FKBP11: variants seen among roughly 807,000 people sequenced by gnomAD.
FKBP11 encodes the protein FKBP prolyl isomerase 11, also known as peptidyl-prolyl cis-trans isomerase FKBP11.
Under a neutral mutation model 24.7 loss-of-function variants are expected in FKBP11, and 21 were observed. That is an observed-to-expected ratio of 0.85 (90% confidence interval 0.60 to 1.23). The LOEUF (loss-of-function observed/expected upper bound fraction) is 1.23. Ranked by LOEUF, FKBP11 falls within the 50% of genes most tolerant of loss-of-function variation. FKBP11 has a pLI of 0.00. For synonymous variants in FKBP11, 106 were observed against 100.6 expected, an observed-to-expected ratio of 1.05 and a Z score of -0.32; for missense variants, 245 against 248.7, an observed-to-expected ratio of 0.99 and a Z score of 0.10.
chr12:48,936,307 TC>T, the FKBP11 span: 1 of 152,496 alleles, frequency 6.6e-6, no homozygotes, highest in African/African-American at 2.4e-5. Context: ...ACATATACAG[TC>T]TACATTCCAG....
At chr12:48,931,314 G>A (rs1306493803), upstream of FKBP11, 7 of 1,000,654 alleles carry the variant, frequency 7.0e-6, no homozygotes, top group East Asian at 1.6e-4. Flanking sequence ...CAGGTCTGAG[G>A]CTCTGTTCAG....
chr12:48,925,522 G>C (rs1939946635), upstream of FKBP11: 6 of 1,433,506 alleles, frequency 4.2e-6, no homozygotes, highest in Admixed American at 4.4e-5. Flanking sequence ...GGCCAGACTG[G>C]ACGGGACGGG....
the FKBP11 span, among the ~76,000 whole-genome samples, chr12:48,935,510 CCTGGAGCCAGA>C: frequency 6.6e-6 from 1 of 152,106 alleles, no homozygotes; most frequent in Admixed American, 6.6e-5. Flanking sequence ...CCTTTCTTTG[CCTGGAGCCAGA>C]CACTGGTAGC....
At chr12:48,924,329 C>T (rs1164874215) in intron 3 of FKBP11, 73 bp from the exon 4 acceptor site, 5 of 1,574,540 alleles carry the variant, frequency 3.2e-6, no homozygotes, top group Non-Finnish European at 4.4e-6. Flanking sequence ...AGATCAAAGT[C>T]TTCCTCCTCC....
upstream of FKBP11, chr12:48,931,447 GAGA>G (rs1565703002): frequency 9.8e-6 from 15 of 1,536,092 alleles, no homozygotes; most frequent in Non-Finnish European, 1.3e-5. Context: ...GGAGGGACCA[GAGA>G]AGGAGCTTTT....
chr12:48,925,133 C>T (rs1484154357), intron 1 of FKBP11, 22 bp from the exon 2 acceptor site: 4 of 1,611,582 alleles, frequency 2.5e-6, no homozygotes, highest in African/African-American at 1.3e-5. Flanking sequence ...CTACAGGGGT[C>T]ACGGATGCTC....
intron 4 of FKBP11, 66 bp from the exon 5 acceptor site, chr12:48,923,918 G>A: frequency 2.0e-6 from 3 of 1,496,110 alleles, no homozygotes; most frequent in Non-Finnish European, 2.8e-6. Context: ...CAGTCCAGCT[G>A]AAGCTCCTTC....
chr12:48,923,787 AC>A lies in FKBP11; in HGVS notation c.382del (p.Val128SerfsTer13), dbSNP rs1478501316. On this transcript the variant is annotated frameshift_variant, in exon 5 of 6. Transcript: ENST00000550765. LOFTEE classifies it high-confidence loss of function. The stretch of plus-strand genomic sequence containing the variant: ...GAGAGTCCTAGTCAGATTACCTGGG[AC>A]AGATGGTGGAAATCCCCGTTTTCCA... The part of the protein sequence containing the change: ...AYGKRGFPPS[V>X]PADAVVQYDV... 1.9e-6 allele frequency: 3 copies of A among 1,613,898 alleles called. No individual in the cohort carries two copies. The African/African-American group carries it at 4.0e-5, about 22-fold the overall frequency.
the FKBP11 span, among the ~76,000 whole-genome samples, chr12:48,934,268 C>T: frequency 3.3e-5 from 5 of 152,292 alleles, no homozygotes; most frequent in Middle Eastern, 6.8e-3. Flanking sequence ...GGGTTTTGCC[C>T]TCCATCCCAC....
At chr12:48,932,615 T>C in the FKBP11 span, among the ~76,000 whole-genome samples, 1 of 152,132 alleles carries the variant, frequency 6.6e-6, no homozygotes, top group Non-Finnish European at 1.5e-5. Context: ...CTCCTATCTA[T>C]AACCTAAGGC....
upstream of FKBP11, among the ~76,000 whole-genome samples, chr12:48,929,723 A>G (rs1297571302): frequency 6.6e-6 from 1 of 152,210 alleles, no homozygotes; most frequent in Admixed American, 6.5e-5. Flanking sequence ...CATTGCTAGT[A>G]TAGTGTCTGA....
chr12:48,935,179 T>C, the FKBP11 span, among the ~76,000 whole-genome samples: 2,637 of 152,200 alleles, frequency 0.017, 265 homozygotes, highest in Admixed American at 0.16. Context: ...GTCATTGGGA[T>C]TGATAAGACA....
In FKBP11 at chr12:48,922,111, A is replaced by T. The variant is rs758942687; in HGVS notation, c.479T>A (p.Val160Glu). 5.6e-6 allele frequency: 9 copies of T among 1,614,202 alleles called. No individual in the cohort carries two copies. The highest frequency in any genetic ancestry group is 7.6e-6 in the Non-Finnish European group (9 of 1,180,032). ...LKLVKGILPL[V>E]GMAMVPALLG... ...GAGGGCTGGCACCATGGCCATCCCT[A>T]CCAGAGGCAAAATGCCCTTCACCAG... Residue 160 changes from valine to glutamate, a missense_variant, in exon 6 of 6, where the codon GTA becomes GAA. Val to Glu is a moderately radical substitution (Grantham distance 121). Coordinates refer to ENST00000550765, the MANE Select transcript of FKBP11 (RefSeq NM_016594.3).
upstream of FKBP11, among the ~76,000 whole-genome samples, chr12:48,928,947 C>A: frequency 6.6e-6 from 1 of 150,706 alleles, no homozygotes; most frequent in South Asian, 2.1e-4. Context: ...CTCAGCCTCC[C>A]AAGTAGCTGG....
At chr12:48,934,378 G>A in the FKBP11 span, among the ~76,000 whole-genome samples, 3 of 152,154 alleles carry the variant, frequency 2.0e-5, no homozygotes, top group Non-Finnish European at 2.9e-5. Context: ...CAAGTCTTCC[G>A]CCAGTCCATG....
upstream of FKBP11, among the ~76,000 whole-genome samples, chr12:48,927,644 G>A (rs1254952084): frequency 1.3e-5 from 2 of 152,146 alleles, no homozygotes; most frequent in Non-Finnish European, 2.9e-5. Context: ...TTCCAAGAAG[G>A]CCCTTTAAAG....
At chr12:48,934,997 C>T in the FKBP11 span, among the ~76,000 whole-genome samples, 10 of 84,608 alleles carry the variant, frequency 1.2e-4, no homozygotes, top group South Asian at 4.1e-4. Flanking sequence ...CCAGCCTGGG[C>T]AACAAGACCA....
intron 5 of FKBP11, chr12:48,922,755 G>GC: frequency 8.0e-6 from 8 of 1,000,996 alleles, no homozygotes; most frequent in Non-Finnish European, 9.5e-6. Flanking sequence ...CAAATAAGCA[G>GC]CACTGGGAAT....
At chr12:48,933,476 C>T in the FKBP11 span, among the ~76,000 whole-genome samples, 2 of 152,046 alleles carry the variant, frequency 1.3e-5, no homozygotes, top group African/African-American at 4.8e-5. Flanking sequence ...CCAAGGTGGG[C>T]GAATCACTTG....
Sources: allele counts gnomAD v4.1 joint callset (sites outside exome capture counted in the v4.1 genomes callset), GRCh38; gene constraint gnomAD v4.1.1; transcripts MANE v1.5; gene names NCBI Gene and HGNC (gene_info 2026-07-23, HGNC 2026-07-21).